Variants in MAP2 observed in about 807,000 individuals in gnomAD.
The protein encoded by MAP2 is microtubule associated protein 2.
In MAP2, 14 loss-of-function variants were observed where a neutral mutation model predicts 137.6. The ratio of observed to expected loss-of-function variants is 0.10; its 90% confidence interval spans 0.07 to 0.16. MAP2 has a LOEUF of 0.16. Among genes scored for constraint, MAP2 ranks in the 10% least tolerant of loss-of-function variants. MAP2 has a pLI of 1.00. For missense variants in MAP2, 2,088 were observed against 2,191.5 expected (o/e 0.95, Z 0.94); for synonymous variants, 786 against 782.3 (o/e 1.00, Z -0.08).
chr2:209,656,926 C>T (rs1183431409), intron 5 of MAP2, among the ~76,000 whole-genome samples: 1 of 152,106 alleles, frequency 6.6e-6, no homozygotes, highest in Non-Finnish European at 1.5e-5. Context: ...TCACCTCTTT[C>T]CCACCCTCCC....
At chr2:209,608,102 T>A (rs765853976) in intron 3 of MAP2, among the ~76,000 whole-genome samples, 1 of 152,194 alleles carries the variant, frequency 6.6e-6, no homozygotes, top group African/African-American at 2.4e-5. Flanking sequence ...ACAGTAATGA[T>A]GCAGTAGAAA....
Position 209,730,948 on chromosome 2 carries a change from T to G in MAP2, c.*551T>G, listed in dbSNP as rs1264457655. The G allele has an allele frequency of 6.5e-6, 1 of 153,388 alleles. No individual in the cohort carries two copies. Among genetic ancestry groups the G allele is most frequent in the Non-Finnish European group, 1.5e-5 (1 of 68,562 alleles). 9.5% of individuals were successfully genotyped at this position (153,388 alleles called of 1,614,324 possible). A position where few individuals can be genotyped will look rare whatever the true frequency, so the allele number is the denominator to read the frequency against. On this transcript the variant is annotated 3_prime_UTR_variant, in exon 16 of 16. Coordinates refer to ENST00000682079, the MANE Select transcript of MAP2 (RefSeq NM_001375505.1). ...AACATTTGGGACCTGGATAATTATA[T>G]CAGAGTATGTCAGTCCAATAAATTA...
intron 2 of MAP2, among the ~76,000 whole-genome samples, chr2:209,563,971 A>G (rs115511753): frequency 2.1e-3 from 315 of 152,316 alleles, no homozygotes; most frequent in African/African-American, 7.3e-3. Flanking sequence ...TCTTATTTAA[A>G]GCATATGTTA....
chr2:209,490,721 T>G (rs774961728), intron 1 of MAP2, among the ~76,000 whole-genome samples: 4 of 147,152 alleles, frequency 2.7e-5, no homozygotes, highest in Non-Finnish European at 6.0e-5. Flanking sequence ...TACGTAATGG[T>G]AAAGAGATCA....
At chr2:209,571,598 C>A (rs1387532036) in intron 2 of MAP2, among the ~76,000 whole-genome samples, 2 of 151,852 alleles carry the variant, frequency 1.3e-5, no homozygotes, top group African/African-American at 4.8e-5. Flanking sequence ...CTTTTAATTC[C>A]CAACATAGTT....
chr2:209,491,815 C>T (rs1170878954), intron 1 of MAP2, among the ~76,000 whole-genome samples: 1 of 151,960 alleles, frequency 6.6e-6, no homozygotes, highest in Non-Finnish European at 1.5e-5. Flanking sequence ...AGGCTACCAA[C>T]CAAAAAAAAC....
chr2:209,621,813 A>G (rs554208534), intron 3 of MAP2, among the ~76,000 whole-genome samples: 1 of 152,346 alleles, frequency 6.6e-6, no homozygotes, highest in South Asian at 2.1e-4. Context: ...TGCTGTAGGT[A>G]GCAAATAACT....
chr2:209,434,292 T>G (rs535124295), intron 1 of MAP2, among the ~76,000 whole-genome samples: 8 of 151,972 alleles, frequency 5.3e-5, no homozygotes, highest in South Asian at 2.1e-4. Flanking sequence ...TTCCTAAGCA[T>G]GCCCTCAATA....
At chr2:209,691,297 A>G (rs1194252149) in intron 7 of MAP2, among the ~76,000 whole-genome samples, 3 of 152,046 alleles carry the variant, frequency 2.0e-5, no homozygotes, top group Non-Finnish European at 4.4e-5. Flanking sequence ...TTTGTTTGCA[A>G]CCGAAATGTG....
At chr2:209,656,496 C>A (rs115101411) in intron 5 of MAP2, among the ~76,000 whole-genome samples, 3,231 of 151,938 alleles carry the variant, frequency 0.021, 108 homozygotes, top group African/African-American at 0.072. Flanking sequence ...GATGACAGAG[C>A]AAGACCCTGT....
chr2:209,660,834 C>T (rs1284695088), intron 5 of MAP2, among the ~76,000 whole-genome samples: 1 of 149,344 alleles, frequency 6.7e-6, no homozygotes, highest in Non-Finnish European at 1.5e-5. Context: ...CCCGGATTCA[C>T]ACCCATTCTC....
intron 10 of MAP2, among the ~76,000 whole-genome samples, chr2:209,699,366 A>C (rs114394868): frequency 0.045 from 6,830 of 152,196 alleles, 205 homozygotes; most frequent in African/African-American, 0.085. Flanking sequence ...GAGGGTTTCT[A>C]TTTTATGAAT....
intron 7 of MAP2, chr2:209,690,790 T>C (rs1342647319): frequency 1.7e-5 from 22 of 1,289,566 alleles, no homozygotes; most frequent in Non-Finnish European, 2.0e-5. Context: ...ATGAGAAAAG[T>C]GTAAAAGAGG....
chr2:209,551,484 A>G (rs545805916), intron 2 of MAP2, among the ~76,000 whole-genome samples: 16 of 152,278 alleles, frequency 1.1e-4, no homozygotes, highest in Admixed American at 9.8e-4. Flanking sequence ...TTCATTTTGT[A>G]TGTACTTGTC....
At chr2:209,433,751 G>A (rs147920517) in intron 1 of MAP2, among the ~76,000 whole-genome samples, 2 of 152,142 alleles carry the variant, frequency 1.3e-5, no homozygotes, top group East Asian at 1.9e-4. Flanking sequence ...ATGCTGTAAC[G>A]TAACTCAAAC....
intron 1 of MAP2, among the ~76,000 whole-genome samples, chr2:209,471,174 A>G (rs1347252726): frequency 1.3e-5 from 2 of 152,104 alleles, no homozygotes; most frequent in African/African-American, 2.4e-5. Flanking sequence ...TTCTAAGGCA[A>G]CATGCATTTT....
intron 1 of MAP2, among the ~76,000 whole-genome samples, chr2:209,478,134 AAAAC>A (rs564696747): frequency 6.6e-6 from 1 of 152,188 alleles, no homozygotes; most frequent in South Asian, 2.1e-4. Context: ...AATAGAATGA[AAAAC>A]AAACAAACAA....
intron 1 of MAP2, among the ~76,000 whole-genome samples, chr2:209,475,579 A>G (rs1706997787): frequency 6.6e-6 from 1 of 152,136 alleles, no homozygotes; most frequent in Admixed American, 6.5e-5. Flanking sequence ...ATAGTGAAGT[A>G]CAGCTTAGGG....
chr2:209,580,853 C>A (rs539987565), intron 3 of MAP2, among the ~76,000 whole-genome samples: 54 of 152,136 alleles, frequency 3.5e-4, no homozygotes, highest in African/African-American at 1.2e-3. Flanking sequence ...TCTTTAAGAC[C>A]GTCTTTAACT....
Sources: gnomAD v4.1 joint callset for allele counts (sites outside exome capture counted in the v4.1 genomes callset) on GRCh38, gnomAD v4.1.1 for gene constraint, MANE v1.5 for transcripts, NCBI Gene and HGNC (gene_info 2026-07-23, HGNC 2026-07-21) for gene names.